Variants in GRIN2B observed in about 807,000 individuals in gnomAD.
GRIN2B encodes the protein glutamate ionotropic receptor NMDA type subunit 2B, also known as glutamate receptor ionotropic, NMDA 2B.
Under a neutral mutation model 114.5 loss-of-function variants are expected in GRIN2B, and 5 were observed. The observed-to-expected ratio is 0.04, with a 90% CI of 0.02 to 0.09. The LOEUF is 0.09. Ranked by LOEUF, GRIN2B falls within the 10% of genes least tolerant of loss-of-function variation. The pLI is 1.00. For synonymous variants in GRIN2B, 787 were observed against 745.1 expected (o/e 1.06, Z -0.92); for missense variants, 1,108 against 1,943.5 (o/e 0.57, Z 8.08).
chr12:13,631,868 C>T (rs993159858), intron 5 of GRIN2B, among the ~76,000 whole-genome samples: 4 of 152,138 alleles, frequency 2.6e-5, no homozygotes, highest in African/African-American at 4.8e-5. Context: ...GAGGAGAAAA[C>T]GCCTGTTTAC....
chr12:13,736,141 G>GCA (rs1565518329), intron 4 of GRIN2B, among the ~76,000 whole-genome samples: 4 of 31,744 alleles, frequency 1.3e-4, no homozygotes, highest in African/African-American at 4.8e-4. Flanking sequence ...AAAGCGGGGG[G>GCA]GGGGGGGGGT....
At chr12:13,797,140 G>C (rs11055623) in intron 3 of GRIN2B, among the ~76,000 whole-genome samples, 31,533 of 152,146 alleles carry the variant, frequency 0.21, 4,017 homozygotes, top group South Asian at 0.35. Flanking sequence ...TGGAGGCTTG[G>C]AAGTCCAAGA....
At chr12:13,824,155 G>T (rs1482128121) in intron 3 of GRIN2B, among the ~76,000 whole-genome samples, 1 of 152,124 alleles carries the variant, frequency 6.6e-6, no homozygotes, top group Non-Finnish European at 1.5e-5. Flanking sequence ...GTTAGAAAAT[G>T]TTCCCTCCCC....
intron 5 of GRIN2B, among the ~76,000 whole-genome samples, chr12:13,672,956 C>T (rs1440182152): frequency 1.3e-5 from 2 of 152,148 alleles, no homozygotes; most frequent in African/African-American, 2.4e-5. Flanking sequence ...GATTCTCATA[C>T]ATGCTACAAA....
intron 3 of GRIN2B, among the ~76,000 whole-genome samples, chr12:13,811,791 G>A (rs1295790306): frequency 6.6e-6 from 1 of 152,200 alleles, no homozygotes; most frequent in African/African-American, 2.4e-5. Context: ...AGAGTGGAGA[G>A]TGATAAAATG....
chr12:13,862,565 T>C (rs992955331), intron 3 of GRIN2B, among the ~76,000 whole-genome samples: 3 of 152,198 alleles, frequency 2.0e-5, no homozygotes, highest in Non-Finnish European at 2.9e-5. Flanking sequence ...ATGTTTTTTG[T>C]CCTATTCCCC....
At chr12:13,894,472 G>C (rs1374605121) in intron 2 of GRIN2B, among the ~76,000 whole-genome samples, 2 of 151,938 alleles carry the variant, frequency 1.3e-5, no homozygotes, top group African/African-American at 2.4e-5. Context: ...ATTTTAAAAA[G>C]AGCACCAAAA....
chr12:13,654,010 A>G (rs1409045002), intron 5 of GRIN2B, among the ~76,000 whole-genome samples: 1 of 152,026 alleles, frequency 6.6e-6, no homozygotes, highest in East Asian at 1.9e-4. Flanking sequence ...CAACTCTGCT[A>G]CCTCCTTTCT....
chr12:13,847,484 G>A (rs1221001293), intron 3 of GRIN2B, among the ~76,000 whole-genome samples: 1 of 152,100 alleles, frequency 6.6e-6, no homozygotes, highest in Non-Finnish European at 1.5e-5. Context: ...AGACCACCTG[G>A]GAACTTTTAA....
intron 2 of GRIN2B, among the ~76,000 whole-genome samples, chr12:13,909,832 G>A (rs1238405123): frequency 6.6e-6 from 1 of 152,192 alleles, no homozygotes; most frequent in African/African-American, 2.4e-5. Flanking sequence ...CAAGTATCAG[G>A]AAAGAGAGGA....
chr12:13,745,072 T>A (rs1863353622), intron 4 of GRIN2B, among the ~76,000 whole-genome samples: 1 of 152,008 alleles, frequency 6.6e-6, no homozygotes, highest in Non-Finnish European at 1.5e-5. Flanking sequence ...AGAGAAAGAC[T>A]CAAACCATTA....
In GRIN2B at chr12:13,797,189, T is replaced by A. The variant is rs185526165; in HGVS notation, c.412-43274A>T. 7.0e-3 allele frequency among the ~76,000 whole-genome samples: 1,067 copies of A among 152,238 alleles called. 12 individuals carry two copies. The highest frequency in any genetic ancestry group is 0.036 in the South Asian group (171 of 4,816). Reference sequence around the variant, plus strand: ...AGAATCAATGTCTTATGAGAGCCCATTTCCTGGTTTACAGATGATGCCTTC... The same window carrying A: ...AGAATCAATGTCTTATGAGAGCCCAATTCCTGGTTTACAGATGATGCCTTC... On this transcript the variant is annotated intron_variant, in intron 3 of 13. Transcript: ENST00000609686.
chr12:13,690,490 T>C (rs1029754205), intron 4 of GRIN2B, among the ~76,000 whole-genome samples: 3 of 152,192 alleles, frequency 2.0e-5, no homozygotes, highest in Non-Finnish European at 4.4e-5. Flanking sequence ...ATATATTATC[T>C]ATAATCTTTC....
chr12:13,790,812 C>T (rs1405757340), intron 3 of GRIN2B, among the ~76,000 whole-genome samples: 1 of 152,124 alleles, frequency 6.6e-6, no homozygotes, highest in East Asian at 1.9e-4. Context: ...GGACCTATGC[C>T]AGGACTGAAA....
chr12:13,884,508 G>T (rs1026844332), intron 2 of GRIN2B, among the ~76,000 whole-genome samples: 1 of 151,914 alleles, frequency 6.6e-6, no homozygotes, highest in Non-Finnish European at 1.5e-5. Context: ...AGTAGTTTTT[G>T]TGTGTGTGTA....
intron 3 of GRIN2B, among the ~76,000 whole-genome samples, chr12:13,860,397 C>T (rs948798502): frequency 2.0e-5 from 3 of 152,154 alleles, no homozygotes; most frequent in South Asian, 2.1e-4. Context: ...GGTGCAATCT[C>T]GGCTCACTGC....
intron 4 of GRIN2B, among the ~76,000 whole-genome samples, chr12:13,719,313 C>A (rs936626452): frequency 2.6e-5 from 4 of 152,094 alleles, no homozygotes; most frequent in African/African-American, 9.7e-5. Context: ...TGAATAAACA[C>A]TTAAGTGTAA....
intron 3 of GRIN2B, among the ~76,000 whole-genome samples, chr12:13,839,925 C>A (rs916731053): frequency 6.6e-6 from 1 of 152,086 alleles, no homozygotes; most frequent in Admixed American, 6.6e-5. Flanking sequence ...ATAGAAAATA[C>A]GCATATGCAT....
intron 4 of GRIN2B, among the ~76,000 whole-genome samples, chr12:13,710,223 G>T (rs1344828332): frequency 6.6e-6 from 1 of 151,946 alleles, no homozygotes; most frequent in Non-Finnish European, 1.5e-5. Context: ...TTGATGGGAT[G>T]TATCTCAAAA....
Sources: allele counts gnomAD v4.1 joint callset (sites outside exome capture counted in the v4.1 genomes callset), GRCh38; gene constraint gnomAD v4.1.1; transcripts MANE v1.5; gene names NCBI Gene and HGNC (gene_info 2026-07-23, HGNC 2026-07-21).